Variants in SIGLEC11 observed in about 807,000 individuals in gnomAD.
SIGLEC11 encodes the protein sialic acid binding Ig like lectin 11, also known as sialic acid-binding Ig-like lectin 11.
Under a neutral mutation model 61.2 loss-of-function variants are expected in SIGLEC11, and 47 were observed. The ratio of observed to expected loss-of-function variants is 0.77; its 90% confidence interval spans 0.61 to 0.98. The LOEUF is 0.98. Among genes scored for constraint, SIGLEC11 ranks in the 50% least tolerant of loss-of-function variants. The probability of loss-of-function intolerance (pLI) is 0.00; values close to 1 mark genes in which losing one functional copy is unlikely to be tolerated. For synonymous variants in SIGLEC11, 278 were observed against 373.1 expected (o/e 0.75, Z 2.94); for missense variants, 610 against 870.3 (o/e 0.70, Z 3.76).
At chr19:49,950,917 A>G (rs1221784073) in intron 10 of SIGLEC11, among the ~76,000 whole-genome samples, 1 of 152,222 alleles carries the variant, frequency 6.6e-6, no homozygotes, top group African/African-American at 2.4e-5. Flanking sequence ...CAAGAAAGAA[A>G]GGTTACTGGA....
intron 8 of SIGLEC11, among the ~76,000 whole-genome samples, chr19:49,954,643 T>C (rs1041180908): frequency 7.9e-5 from 12 of 152,176 alleles, no homozygotes; most frequent in African/African-American, 2.9e-4. Flanking sequence ...CTCAAGCTCT[T>C]ATAGATCTGA....
chr19:49,952,706 A>G lies in SIGLEC11; in HGVS notation c.1652-312T>C, dbSNP rs79704970. ...GCAAGGTTGAAGGAAAACAAGAAAG[A>G]AAAACAAATTCCTTTACTGTTACTC... is the stretch of plus-strand genomic sequence containing the variant. On this transcript the variant is annotated intron_variant, in intron 8 of 10. Coordinates refer to ENST00000447370, the MANE Select transcript of SIGLEC11 (RefSeq NM_052884.3). Among the ~76,000 whole-genome samples the G allele has an allele frequency of 7.5e-3, 1,149 of 152,296 alleles. 14 individuals carry two copies. The highest frequency in any genetic ancestry group is 0.025 in the African/African-American group (1,049 of 41,568).
chr19:49,951,925 T>G lies in SIGLEC11; in HGVS notation c.1796A>C (p.Gln599Pro). Residue 599 changes from glutamine (Q) to proline (P), a missense_variant, in exon 10 of 11, where the codon CAG becomes CCG. Physicochemically the swap from Gln to Pro is moderately conservative, Grantham distance 76. Transcript: ENST00000447370. The surrounding 1 kb of genome is among the most constrained non-coding windows in gnomAD (Gnocchi z 4.6). ...GGGTCCCAGGGTGGAGGGCACGTCC[T>G]GCTCAGCTGCTGCCCTCTTGCGAGC... ...KEARKRAAAEQDVPSTLGPIS... is the reference protein window; with the variant it reads ...KEARKRAAAEPDVPSTLGPIS... The G allele has an allele frequency of 6.2e-7, 1 of 1,610,812 alleles. No individual in the cohort carries two copies. Among genetic ancestry groups the G allele is most frequent in the Non-Finnish European group, 8.5e-7 (1 of 1,178,764 alleles).
In SIGLEC11 at chr19:49,958,408, G is replaced by A. The variant is rs758089118; in HGVS notation, c.1526C>T (p.Ser509Leu). 9.9e-6 allele frequency: 16 copies of A among 1,613,978 alleles called. No homozygotes were observed. Among genetic ancestry groups the A allele is most frequent in the Non-Finnish European group, 1.3e-5 (15 of 1,180,030 alleles). ...SQGSFEVTPSSAGPWANSSLS... is the reference protein window; with the variant it reads ...SQGSFEVTPSLAGPWANSSLS... The stretch of plus-strand genomic sequence containing the variant: ...GGAGCTGTTGGCCCAGGGCCCGGCT[G>A]AGCTGGGGGTGACCTCGAAGGAGCC... The change falls in exon 8 of 11, where the codon TCA becomes TTA. Residue 509 changes from serine to leucine, a missense_variant. Physicochemically the swap from Ser to Leu is moderately radical, Grantham distance 145. Coordinates refer to ENST00000447370, the MANE Select transcript of SIGLEC11 (RefSeq NM_052884.3).
chr19:49,957,463 T>A (rs1203929416), intron 8 of SIGLEC11, among the ~76,000 whole-genome samples: 5 of 152,042 alleles, frequency 3.3e-5, no homozygotes, highest in South Asian at 4.2e-4. Context: ...AATAACACTG[T>A]TTAAAAAGCC....
intron 8 of SIGLEC11, among the ~76,000 whole-genome samples, chr19:49,956,827 A>C (rs945737946): frequency 4.6e-5 from 7 of 152,174 alleles, no homozygotes; most frequent in African/African-American, 1.7e-4. Context: ...AGCAACCCAC[A>C]AAAATGAAGA....
Position 49,958,398 on chromosome 19 carries a change from G to A in SIGLEC11, c.1536C>T (p.Pro512=). The change falls in exon 8 of 11, where the codon CCC becomes CCT. Residue 512 remains proline (P), a synonymous_variant. Coordinates refer to ENST00000447370, the MANE Select transcript of SIGLEC11 (RefSeq NM_052884.3). ...GGAGGCTCAGGGAGCTGTTGGCCCA[G>A]GGCCCGGCTGAGCTGGGGGTGACCT... is the stretch of plus-strand genomic sequence containing the variant. ...SFEVTPSSAG[P]WANSSLSLHG... 2 of 1,614,158 alleles carry A rather than the reference G, an allele frequency of 1.2e-6. No individual in the cohort carries two copies. Among genetic ancestry groups the A allele is most frequent in the Non-Finnish European group, 1.7e-6 (2 of 1,180,032 alleles).
rs1056063240 is a variant in SIGLEC11 at position 49,958,264 on chromosome 19, C to T, written c.1651+19G>A. 2 of 1,611,504 alleles carry T rather than the reference C, an allele frequency of 1.2e-6. No individual in the cohort carries two copies. Among genetic ancestry groups the T allele is most frequent in the East Asian group, 2.2e-5 (1 of 44,854 alleles). ...TGTCTCCTTTCTCCCTGAACCTCAG[C>T]CCCCCACAGTCCCCTCACCTGGTAG... On this transcript the variant is annotated intron_variant, in intron 8 of 10. Transcript: ENST00000447370.
rs967520342 is a variant in SIGLEC11 at position 49,951,982 on chromosome 19, G to A, written c.1749-10C>T. 1.2e-6 allele frequency: 2 copies of A among 1,605,356 alleles called. No homozygotes were observed. The highest frequency in any genetic ancestry group is 1.7e-5 in the Admixed American group (1 of 59,196). ...CCTGCAGATCTTCACCCTGAGGGAG[G>A]AGGCAGTGCCCTTCAGCCTCCAGGC... On this transcript the variant is annotated splice_polypyrimidine_tract_variant and intron_variant, in intron 9 of 10. Transcript: ENST00000447370. This position sits in a 1 kb window ranked among gnomAD's most constrained non-coding sequence, Gnocchi z 4.6.
At chr19:49,952,097 G>A (rs908213574) in intron 9 of SIGLEC11, 125 bp from the exon 10 acceptor site, 1 of 1,062,892 alleles carries the variant, frequency 9.4e-7, no homozygotes, top group Non-Finnish European at 1.3e-6. Flanking sequence ...ATATCCACGG[G>A]GTGACTTCCA....
Position 49,949,750 on chromosome 19 carries a change from G to A in SIGLEC11, c.*220C>T, listed in dbSNP as rs1434115337. 2 of 371,052 alleles carry A rather than the reference G, an allele frequency of 5.4e-6. No individual in the cohort carries two copies. The highest frequency in any genetic ancestry group is 9.4e-6 in the Non-Finnish European group (2 of 212,052). The allele number at this position is 371,052 out of a possible 1,614,324, so 23.0% of individuals were successfully genotyped here. On this transcript the variant is annotated 3_prime_UTR_variant, in exon 11 of 11. Coordinates refer to ENST00000447370, the MANE Select transcript of SIGLEC11 (RefSeq NM_052884.3). ...CCAGCTACTTGGGAGGCTGAAATGG[G>A]AGGCTCACTTCAACCTGGCAGGTTG...
chr19:49,954,146 T>C (rs1281603311), intron 8 of SIGLEC11, among the ~76,000 whole-genome samples: 1 of 152,114 alleles, frequency 6.6e-6, no homozygotes, highest in Non-Finnish European at 1.5e-5. Context: ...TGCAAAACAC[T>C]TGTAGCCCGA....
At chr19:49,952,106 C>A in intron 9 of SIGLEC11, 134 bp from the exon 10 acceptor site, 1 of 1,040,046 alleles carries the variant, frequency 9.6e-7, no homozygotes, top group East Asian at 2.6e-5. Context: ...GGGTGACTTC[C>A]ATAGTGAGAA....
rs1470330835 is a variant in SIGLEC11 at position 49,949,563 on chromosome 19, C to T, written c.*407G>A. 1 of 154,368 alleles carries T rather than the reference C, an allele frequency of 6.5e-6. No homozygotes were observed. 9.6% of individuals were successfully genotyped at this position (154,368 alleles called of 1,614,324 possible). A position where few individuals can be genotyped will look rare whatever the true frequency, so the allele number is the denominator to read the frequency against. The stretch of plus-strand genomic sequence containing the variant: ...CTGAATTGAAAGTATAATCTTCAGC[C>T]AGCTGTGGTGGCTCACGTCTGTAAT... On this transcript the variant is annotated 3_prime_UTR_variant, in exon 11 of 11. Transcript: ENST00000447370.
At chr19:49,958,619 A>G in intron 7 of SIGLEC11, 24 bp downstream of exon 7, 14 of 1,570,718 alleles carry the variant, frequency 8.9e-6, no homozygotes, top group Non-Finnish European at 1.1e-5. Flanking sequence ...CCTGGGACCC[A>G]GGTGTCCCCT....
intron 8 of SIGLEC11, among the ~76,000 whole-genome samples, chr19:49,954,624 T>C (rs75426451): frequency 2.0e-5 from 3 of 152,158 alleles, no homozygotes; most frequent in Non-Finnish European, 4.4e-5. Flanking sequence ...CCCTCCTACA[T>C]GGAGAAGCCT....
chr19:49,958,764 C>G lies in SIGLEC11; in HGVS notation c.1242G>C (p.Gln414His). Residue 414 changes from glutamine to histidine, a missense_variant, in exon 7 of 11, where the codon CAG (glutamine) becomes CAC (histidine). Physicochemically the swap from Gln to His is conservative, Grantham distance 24. Transcript: ENST00000447370. ...TRWGQTVGPS[Q>H]PSDPGVLELP... ...GCTCCAGGACCCCGGGGTCTGAGGGCTGGGAGGGGCCCACGGTCTGTCCCC... is the reference window on the plus strand; with the variant it reads ...GCTCCAGGACCCCGGGGTCTGAGGGGTGGGAGGGGCCCACGGTCTGTCCCC... 6.2e-7 allele frequency: 1 copy of G among 1,613,848 alleles called. No individual in the cohort carries two copies. The highest frequency in any genetic ancestry group is 8.5e-7 in the Non-Finnish European group (1 of 1,179,892).
At chr19:49,956,592 A>T (rs572460953) in intron 8 of SIGLEC11, among the ~76,000 whole-genome samples, 9 of 152,154 alleles carry the variant, frequency 5.9e-5, no homozygotes, top group African/African-American at 1.4e-4. Context: ...TAATAAAGTT[A>T]AAAAAAATGC....
chr19:49,949,926 G>T lies in SIGLEC11; in HGVS notation c.*44C>A. The T allele has an allele frequency of 7.2e-7, 1 of 1,382,012 alleles. No individual in the cohort carries two copies. Among genetic ancestry groups the T allele is most frequent in the South Asian group, 1.9e-5 (1 of 53,224 alleles). 85.6% of individuals were successfully genotyped at this position (1,382,012 alleles called of 1,614,324 possible). A position where few individuals can be genotyped will look rare whatever the true frequency, so the allele number is the denominator to read the frequency against. ...CCAGTTCTGGCCGTCACACCAGTGCGACTCCCACACACTTGCTGGTGTCCT... is the reference window on the plus strand; with the variant it reads ...CCAGTTCTGGCCGTCACACCAGTGCTACTCCCACACACTTGCTGGTGTCCT... On this transcript the variant is annotated 3_prime_UTR_variant, in exon 11 of 11. Transcript: ENST00000447370.
Sources: allele counts gnomAD v4.1 joint callset (sites outside exome capture counted in the v4.1 genomes callset), GRCh38; gene constraint gnomAD v4.1.1; non-coding constraint Gnocchi (gnomAD v3.1); transcripts MANE v1.5; gene names NCBI Gene and HGNC (gene_info 2026-07-23, HGNC 2026-07-21).